Variants in CHST8 observed in about 807,000 individuals in gnomAD.
CHST8 encodes carbohydrate sulfotransferase 8.
CHST8 carries 10 observed loss-of-function variants against 15.0 expected under a neutral mutation model. The observed-to-expected ratio is 0.67, with a 90% CI of 0.41 to 1.13. CHST8 has a LOEUF of 1.13. Among genes scored for constraint, CHST8 ranks in the 50% most tolerant of loss-of-function variants. CHST8 has a pLI of 0.00. For synonymous variants in CHST8, 259 were observed against 256.6 expected (o/e 1.01, Z -0.09); for missense variants, 634 against 608.2 (o/e 1.04, Z -0.45).
intron 3 of CHST8, 136 bp downstream of exon 3, chr19:33,689,527 C>A: frequency 9.5e-7 from 1 of 1,057,812 alleles, no homozygotes; most frequent in South Asian, 1.9e-5. Flanking sequence ...CAGGCAGAGT[C>A]CTGGCTTCCC....
intron 3 of CHST8, among the ~76,000 whole-genome samples, chr19:33,756,701 G>A (rs772139306): frequency 1.5e-4 from 23 of 152,114 alleles, no homozygotes; most frequent in Non-Finnish European, 2.9e-4. Context: ...AAGTTCAGAT[G>A]TCCCCACTCC....
rs78826766 is a variant in CHST8 at position 33,705,443 on chromosome 19, T to C, written c.130+16052T>C. Among the ~76,000 whole-genome samples the C allele has an allele frequency of 9.7e-3, 1,483 of 152,260 alleles. 21 individuals carry two copies. The highest frequency in any genetic ancestry group is 0.034 in the African/African-American group (1,398 of 41,540). On this transcript the variant is annotated intron_variant, in intron 3 of 4. Transcript: ENST00000650847. ...GAAGGCAAGGGCCAGAGAGTGGGGT[T>C]CTGGGGAGCGCACCTAATTAAAACC...
chr19:33,695,821 C>CTTTCTTTCTTTTTT (rs57718433), intron 3 of CHST8, among the ~76,000 whole-genome samples: 26 of 76,236 alleles, frequency 3.4e-4, no homozygotes, highest in South Asian at 4.8e-4. Context: ...TTCTTTCTTT[C>CTTTCTTTCTTTTTT]TTTTTTTTTT....
chr19:33,646,782 C>T (rs4805916), intron 1 of CHST8, among the ~76,000 whole-genome samples: 77,787 of 152,040 alleles, frequency 0.51, 22,826 homozygotes, highest in Admixed American at 0.66. Flanking sequence ...GACATGGTGG[C>T]GTACACCTGT....
chr19:33,680,273 C>A (rs1972868257), intron 2 of CHST8, among the ~76,000 whole-genome samples: 1 of 152,168 alleles, frequency 6.6e-6, no homozygotes, highest in Non-Finnish European at 1.5e-5. Flanking sequence ...TGATAAATAC[C>A]TGTTCCTTTT....
At chr19:33,665,222 T>A (rs1972640343) in intron 1 of CHST8, among the ~76,000 whole-genome samples, 1 of 152,146 alleles carries the variant, frequency 6.6e-6, no homozygotes, top group Middle Eastern at 3.2e-3. Context: ...TGTACAAGAG[T>A]TCCCCTTTCT....
chr19:33,770,253 AC>A (rs1350921494), intron 3 of CHST8, among the ~76,000 whole-genome samples: 3 of 151,640 alleles, frequency 2.0e-5, no homozygotes, highest in South Asian at 4.2e-4. Flanking sequence ...GGACACTGGA[AC>A]CCCCCTCCCG....
At chr19:33,726,986 T>G (rs574280307) in intron 3 of CHST8, among the ~76,000 whole-genome samples, 1 of 151,756 alleles carries the variant, frequency 6.6e-6, no homozygotes, top group South Asian at 2.1e-4. Context: ...TCCCACCCAC[T>G]TTTCCAAGCC....
At chr19:33,686,523 A>T (rs1307954803) in intron 2 of CHST8, among the ~76,000 whole-genome samples, 1 of 152,184 alleles carries the variant, frequency 6.6e-6, no homozygotes, top group East Asian at 1.9e-4. Context: ...AACAAATGAG[A>T]TGATGATCAC....
At chr19:33,681,766 A>T (rs1415161105) in intron 2 of CHST8, among the ~76,000 whole-genome samples, 1 of 152,246 alleles carries the variant, frequency 6.6e-6, no homozygotes, top group Admixed American at 6.5e-5. Context: ...GTGGAGGGGA[A>T]GTCAGGCCAG....
chr19:33,708,802 G>A (rs1973493510), intron 3 of CHST8, among the ~76,000 whole-genome samples: 1 of 152,174 alleles, frequency 6.6e-6, no homozygotes, highest in African/African-American at 2.4e-5. Flanking sequence ...GGCATTGACT[G>A]TAATAATAAA....
At chr19:33,655,144 C>G (rs1421949346) in intron 1 of CHST8, among the ~76,000 whole-genome samples, 1 of 152,158 alleles carries the variant, frequency 6.6e-6, no homozygotes, top group East Asian at 1.9e-4. Context: ...ACAAGCAATT[C>G]TCATGCCTCA....
chr19:33,757,158 G>A (rs1310643408), intron 3 of CHST8, among the ~76,000 whole-genome samples: 1 of 152,028 alleles, frequency 6.6e-6, no homozygotes, highest in African/African-American at 2.4e-5. Context: ...GGGAGGCCCA[G>A]GCAGGTGGAT....
At chr19:33,646,992 C>A (rs1306193612) in intron 1 of CHST8, among the ~76,000 whole-genome samples, 1 of 152,090 alleles carries the variant, frequency 6.6e-6, no homozygotes, top group Non-Finnish European at 1.5e-5. Flanking sequence ...TGGCCTATGC[C>A]CAGGAATGAA....
At chr19:33,636,683 C>T (rs1321542472) in intron 1 of CHST8, among the ~76,000 whole-genome samples, 1 of 152,142 alleles carries the variant, frequency 6.6e-6, no homozygotes, top group Non-Finnish European at 1.5e-5. Context: ...GGCGGATCAC[C>T]TGAGCTCAGG....
At chr19:33,648,076 C>T (rs1972376553) in intron 1 of CHST8, among the ~76,000 whole-genome samples, 1 of 151,748 alleles carries the variant, frequency 6.6e-6, no homozygotes, top group South Asian at 2.1e-4. Context: ...AGTATTGGAG[C>T]TGGTGGATGT....
intron 1 of CHST8, among the ~76,000 whole-genome samples, chr19:33,650,518 CTTTTTTTTTTTTTTTTT>C (rs869057036): frequency 5.5e-5 from 2 of 36,070 alleles, no homozygotes; most frequent in African/African-American, 1.3e-4. Flanking sequence ...TTTTTCTTTT[CTTTTTTTTTTTTTTTTT>C]TTTTTTTTTT....
intron 3 of CHST8, among the ~76,000 whole-genome samples, chr19:33,754,825 G>C (rs1238335188): frequency 6.6e-6 from 1 of 152,240 alleles, no homozygotes; most frequent in Non-Finnish European, 1.5e-5. Flanking sequence ...TGTTGTGGAT[G>C]TGAACCTTGA....
At chr19:33,647,009 C>G (rs1362155194) in intron 1 of CHST8, among the ~76,000 whole-genome samples, 1 of 152,236 alleles carries the variant, frequency 6.6e-6, no homozygotes, top group Non-Finnish European at 1.5e-5. Context: ...TGAACAAAGA[C>G]AGCTTGTGAG....
Sources: gnomAD v4.1 joint callset for allele counts (sites outside exome capture counted in the v4.1 genomes callset) on GRCh38, gnomAD v4.1.1 for gene constraint, MANE v1.5 for transcripts, NCBI Gene and HGNC (gene_info 2026-07-23, HGNC 2026-07-21) for gene names.